The following AFG2A variants were observed in gnomAD, a reference collection of about 807,000 sequenced individuals.
AFG2A encodes the protein AAA ATPase AFG2A.
At chr4:123,150,481 A>G in the AFG2A span, among the ~76,000 whole-genome samples, 4 of 152,204 alleles carry the variant, frequency 2.6e-5, no homozygotes, top group Non-Finnish European at 5.9e-5. Flanking sequence ...TACACCAATA[A>G]TAAACAGAGA....
the AFG2A span, among the ~76,000 whole-genome samples, chr4:123,144,672 C>T: frequency 1.3e-5 from 2 of 152,074 alleles, no homozygotes; most frequent in South Asian, 4.1e-4. Flanking sequence ...AAAAGCATTT[C>T]TCTCAATAAA....
chr4:123,083,901 T>G, the AFG2A span, among the ~76,000 whole-genome samples: 43 of 152,280 alleles, frequency 2.8e-4, no homozygotes, highest in African/African-American at 9.9e-4. Context: ...AATTTTTTCC[T>G]TAAATGTTTG....
chr4:123,030,777 A>C, the AFG2A span, among the ~76,000 whole-genome samples: 1 of 152,066 alleles, frequency 6.6e-6, no homozygotes, highest in Admixed American at 6.6e-5. Flanking sequence ...TAGATTTTGA[A>C]TTTTTTTGCA....
At chr4:123,247,682 C>G in the AFG2A span, among the ~76,000 whole-genome samples, 1 of 152,146 alleles carries the variant, frequency 6.6e-6, no homozygotes, top group Non-Finnish European at 1.5e-5. Context: ...CCTGCCTTAG[C>G]CTCCCAAAGT....
chr4:122,954,644 T>C, the AFG2A span, among the ~76,000 whole-genome samples: 1 of 152,212 alleles, frequency 6.6e-6, no homozygotes, highest in Non-Finnish European at 1.5e-5. Context: ...GGTAGGACAG[T>C]AGGGTCTCTG....
chr4:123,211,443 C>T, the AFG2A span, among the ~76,000 whole-genome samples: 15 of 152,156 alleles, frequency 9.9e-5, no homozygotes, highest in East Asian at 1.9e-4. Flanking sequence ...AAATCAGTAT[C>T]GGAGAGCACA....
At chr4:123,233,805 GTGAA>G in the AFG2A span, among the ~76,000 whole-genome samples, 1 of 151,884 alleles carries the variant, frequency 6.6e-6, no homozygotes. Flanking sequence ...GTAAATATAT[GTGAA>G]AATACTTTCC....
At chr4:122,929,560 A>G in the AFG2A span, among the ~76,000 whole-genome samples, 4 of 152,036 alleles carry the variant, frequency 2.6e-5, no homozygotes, top group Non-Finnish European at 1.5e-5. Flanking sequence ...ATTTCTGGGC[A>G]TGGTGGTGTG....
At chr4:123,123,616 G>T in the AFG2A span, among the ~76,000 whole-genome samples, 2 of 152,010 alleles carry the variant, frequency 1.3e-5, no homozygotes, top group Admixed American at 6.6e-5. Flanking sequence ...ACCACAATGA[G>T]ATATCATCTC....
the AFG2A span, among the ~76,000 whole-genome samples, chr4:123,062,503 G>T: frequency 1.3e-5 from 2 of 151,832 alleles, no homozygotes; most frequent in African/African-American, 4.8e-5. Context: ...AGTCAATGTT[G>T]TTACTGTTAC....
the AFG2A span, among the ~76,000 whole-genome samples, chr4:123,212,792 A>C: frequency 6.6e-6 from 1 of 152,106 alleles, no homozygotes; most frequent in Non-Finnish European, 1.5e-5. Flanking sequence ...GCTTGCTTCA[A>C]ATCAAACTGC....
the AFG2A span, chr4:122,929,168 A>G: frequency 6.2e-7 from 1 of 1,607,280 alleles, no homozygotes; most frequent in Non-Finnish European, 8.5e-7. Context: ...GTGCTGTGCT[A>G]CAGGCTGAGG....
the AFG2A span, among the ~76,000 whole-genome samples, chr4:123,172,423 A>G: frequency 6.6e-6 from 1 of 152,238 alleles, no homozygotes; most frequent in African/African-American, 2.4e-5. Flanking sequence ...TTAATTATCC[A>G]GAAAGCATAA....
chr4:123,273,715 G>A, the AFG2A span, among the ~76,000 whole-genome samples: 184 of 152,226 alleles, frequency 1.2e-3, no homozygotes, highest in African/African-American at 4.3e-3. Flanking sequence ...ATTGTTTCAT[G>A]CACACGATTA....
At chr4:122,948,667 A>G in the AFG2A span, among the ~76,000 whole-genome samples, 1 of 152,278 alleles carries the variant, frequency 6.6e-6, no homozygotes, top group Non-Finnish European at 1.5e-5. Flanking sequence ...GGCAGAACTT[A>G]CTTACAGGGC....
the AFG2A span, among the ~76,000 whole-genome samples, chr4:123,267,110 T>A: frequency 2.0e-5 from 3 of 152,028 alleles, no homozygotes; most frequent in Non-Finnish European, 4.4e-5. Flanking sequence ...CTGAAAGAAG[T>A]CATTCTATTA....
the AFG2A span, among the ~76,000 whole-genome samples, chr4:123,142,282 A>G: frequency 6.6e-6 from 1 of 152,156 alleles, no homozygotes; most frequent in African/African-American, 2.4e-5. Flanking sequence ...GTAAGTACAC[A>G]TGCATATAGC....
At chr4:123,124,182 T>G in the AFG2A span, among the ~76,000 whole-genome samples, 24 of 152,072 alleles carry the variant, frequency 1.6e-4, no homozygotes, top group Admixed American at 1.0e-3. Flanking sequence ...TAAAGACACA[T>G]GCACACGTAT....
the AFG2A span, among the ~76,000 whole-genome samples, chr4:123,059,696 A>G: frequency 1.3e-5 from 2 of 150,936 alleles, no homozygotes; most frequent in Non-Finnish European, 1.5e-5. Context: ...GTCAAATGGT[A>G]TTTCTAGTTC....
Sources: gnomAD v4.1 joint callset for allele counts (sites outside exome capture counted in the v4.1 genomes callset) on GRCh38, gnomAD v4.1.1 for gene constraint, MANE v1.5 for transcripts, NCBI Gene and HGNC (gene_info 2026-07-23, HGNC 2026-07-21) for gene names.